Variants in PEX5L observed in about 807,000 individuals in gnomAD.
The protein encoded by PEX5L is PEX5-related protein.
A neutral mutation model predicts 84.0 loss-of-function variants in PEX5L; 30 were observed. The ratio of observed to expected loss-of-function variants is 0.36; its 90% confidence interval spans 0.27 to 0.48. The LOEUF is 0.48. Among genes scored for constraint, PEX5L ranks in the 20% least tolerant of loss-of-function variants. The pLI is 0.99. For synonymous variants in PEX5L, 270 were observed against 283.1 expected (o/e 0.95, Z 0.46); for missense variants, 533 against 754.6 (o/e 0.71, Z 3.44).
rs114256908 is a variant in PEX5L, at chr3:179,950,780, G to A, written c.93+20814C>T. On this transcript the variant is annotated intron_variant, in intron 2 of 14. Transcript: ENST00000467460. ...CGTAAGTCCCAAGAGGTCAAAGCAA[G>A]TAAAACAATAGTAGTGCAGGGGAGA... 3.0e-3 allele frequency among the ~76,000 whole-genome samples: 452 copies of A among 152,312 alleles called. 3 individuals carry two copies. The highest frequency in any genetic ancestry group is 0.01 in the African/African-American group (432 of 41,576).
chr3:179,947,855 C>T (rs148278443), intron 2 of PEX5L, among the ~76,000 whole-genome samples: 3,921 of 151,776 alleles, frequency 0.026, 177 homozygotes, highest in African/African-American at 0.09. Context: ...TACAGGCACC[C>T]GCCACCACGC....
At chr3:179,842,857 TC>T (rs934254050) in intron 8 of PEX5L, among the ~76,000 whole-genome samples, 1 of 152,036 alleles carries the variant, frequency 6.6e-6, no homozygotes, top group African/African-American at 2.4e-5. Context: ...ATCCTGCATT[TC>T]CCCCCTTACT....
intron 7 of PEX5L, among the ~76,000 whole-genome samples, chr3:179,861,430 G>A (rs1746077755): frequency 1.3e-5 from 2 of 152,212 alleles, no homozygotes; most frequent in Non-Finnish European, 2.9e-5. Context: ...AGTGGGCAAT[G>A]GCAGCTGAAT....
At chr3:179,843,471 T>C (rs1738071414) in intron 8 of PEX5L, among the ~76,000 whole-genome samples, 1 of 152,232 alleles carries the variant, frequency 6.6e-6, no homozygotes, top group Non-Finnish European at 1.5e-5. Flanking sequence ...AAGGGACTTT[T>C]CTAAGACTGC....
chr3:180,022,326 T>C lies in PEX5L; in HGVS notation c.21+14253A>G, dbSNP rs1175984913. On this transcript the variant is annotated intron_variant, in intron 1 of 14. Coordinates refer to ENST00000467460, the MANE Select transcript of PEX5L (RefSeq NM_016559.3). ...ATTAGTAAAATAAGAGCTGTGCATA[T>C]TTCCTCCACAATAATTTTGATCCTG... Among the ~76,000 whole-genome samples the C allele has an allele frequency of 2.6e-5, 4 of 152,312 alleles. No homozygotes were observed. In the East Asian group the frequency reaches 5.8e-4, roughly 22 times the overall value.
chr3:179,901,880 A>G (rs1761465675), intron 2 of PEX5L: 1 of 152,248 alleles, frequency 6.6e-6, no homozygotes, highest in Admixed American at 6.5e-5. Flanking sequence ...AACATTTATT[A>G]AGAAAACCAA....
intron 8 of PEX5L, among the ~76,000 whole-genome samples, chr3:179,855,003 A>G (rs775595860): frequency 3.9e-5 from 6 of 152,220 alleles, no homozygotes; most frequent in Non-Finnish European, 5.9e-5. Flanking sequence ...TTGAATGTCA[A>G]GAAGGAACCT....
chr3:179,900,706 C>A, intron 2 of PEX5L: 2 of 1,535,668 alleles, frequency 1.3e-6, no homozygotes, highest in African/African-American at 1.4e-5. Flanking sequence ...GAAGACAGTG[C>A]CACTTTTTCT....
In PEX5L at chr3:179,808,267, C is replaced by A; in HGVS notation, c.1518+5G>T. 6.4e-7 allele frequency: 1 copy of A among 1,559,762 alleles called. No individual in the cohort carries two copies. Among genetic ancestry groups the A allele is most frequent in the Non-Finnish European group, 8.6e-7 (1 of 1,156,152 alleles). On this transcript the variant is annotated splice_donor_5th_base_variant and intron_variant, in intron 13 of 14. Coordinates refer to ENST00000467460, the MANE Select transcript of PEX5L (RefSeq NM_016559.3). ...GTGGTTTCTTGCTGTGCTGTGCTGT[C>A]TTACCTCTGGCCGAACAGTTAAGGC...
intron 1 of PEX5L, among the ~76,000 whole-genome samples, chr3:179,986,693 C>T (rs1031312083): frequency 6.6e-5 from 10 of 152,080 alleles, no homozygotes; most frequent in Admixed American, 1.3e-4. Context: ...TGAGCCACCG[C>T]GCCCGGCCAA....
intron 2 of PEX5L, among the ~76,000 whole-genome samples, chr3:179,959,411 G>GT (rs1781467540): frequency 6.6e-6 from 1 of 152,156 alleles, no homozygotes; most frequent in Non-Finnish European, 1.5e-5. Context: ...TCTGTTGACT[G>GT]TAAGTCCAAC....
At chr3:180,012,900 C>T (rs1352081317) in intron 1 of PEX5L, among the ~76,000 whole-genome samples, 1 of 151,964 alleles carries the variant, frequency 6.6e-6, no homozygotes, top group Non-Finnish European at 1.5e-5. Flanking sequence ...CTGAATCACA[C>T]TGAAAAAAAT....
intron 2 of PEX5L, among the ~76,000 whole-genome samples, chr3:179,951,370 A>G (rs1578870076): frequency 6.6e-6 from 1 of 152,214 alleles, no homozygotes; most frequent in East Asian, 1.9e-4. Context: ...TCCTAGGGGA[A>G]CCCATCTCCA....
rs142589999 is a variant in PEX5L, at chr3:179,874,359, C to G, written c.694G>C (p.Ala232Pro). Residue 232 changes from alanine (A) to proline (P), a missense_variant, in exon 7 of 15, where the codon GCT (alanine) becomes CCT (proline). By Grantham distance (27) the Ala-to-Pro change is conservative (BLOSUM62 -1). Transcript: ENST00000467460. ...GGAGCCACTAATTCCAATTCTGAAG[C>G]CGACTCAGAGTTGAGGGCGCTTTTT... ...GGKSALNSES[A>P]SELELVAPTQ... 373 of 1,612,226 alleles carry G rather than the reference C, an allele frequency of 2.3e-4. 3 individuals carry two copies. Among genetic ancestry groups the G allele is most frequent in the Non-Finnish European group, 3.6e-5 (42 of 1,178,818 alleles).
intron 2 of PEX5L, among the ~76,000 whole-genome samples, chr3:179,937,440 A>G (rs1774909749): frequency 6.6e-6 from 1 of 152,230 alleles, no homozygotes; most frequent in Admixed American, 6.5e-5. Context: ...TATTGAAAAA[A>G]ATAGCCTCTG....
chr3:179,810,989 A>G (rs1723551642), intron 11 of PEX5L, among the ~76,000 whole-genome samples: 1 of 151,860 alleles, frequency 6.6e-6, no homozygotes, highest in Non-Finnish European at 1.5e-5. Flanking sequence ...CTGATCCCCA[A>G]TTCTCTCATC....
chr3:179,963,373 A>G (rs1057343005), intron 2 of PEX5L, among the ~76,000 whole-genome samples: 2 of 152,206 alleles, frequency 1.3e-5, no homozygotes, highest in African/African-American at 4.8e-5. Context: ...TACATTTTAA[A>G]TTGGCCAGTT....
intron 2 of PEX5L, among the ~76,000 whole-genome samples, chr3:179,939,841 A>G (rs1775583836): frequency 6.6e-6 from 1 of 152,162 alleles, no homozygotes; most frequent in African/African-American, 2.4e-5. Flanking sequence ...GGTGTACATC[A>G]TGCAAAGTTG....
intron 2 of PEX5L, chr3:179,902,688 T>C (rs1018206359): frequency 1.1e-5 from 5 of 456,554 alleles, no homozygotes; most frequent in Non-Finnish European, 2.2e-5. Context: ...TTTTGGTGCA[T>C]AAAATACTTA....
Sources: gnomAD v4.1 joint callset for allele counts (sites outside exome capture counted in the v4.1 genomes callset) on GRCh38, gnomAD v4.1.1 for gene constraint, MANE v1.5 for transcripts, NCBI Gene and HGNC (gene_info 2026-07-23, HGNC 2026-07-21) for gene names.